HDAC9: variants seen among roughly 807,000 people sequenced by gnomAD.
The protein encoded by HDAC9 is MEF-2 interacting transcription repressor (MITR) protein.
HDAC9 carries 41 observed loss-of-function variants against 139.4 expected under a neutral mutation model. The ratio of observed to expected loss-of-function variants is 0.29; its 90% CI spans 0.23 to 0.38. HDAC9 has a LOEUF of 0.38. HDAC9 is among the 10% of genes least tolerant of loss of function. HDAC9 has a pLI of 1.00. For missense variants in HDAC9, 1,147 were observed against 1,297.0 expected, an observed-to-expected ratio of 0.88 and a Z score of 1.78; for synonymous variants, 517 against 476.2, an observed-to-expected ratio of 1.09 and a Z score of -1.12.
intron 1 of HDAC9, among the ~76,000 whole-genome samples, chr7:18,425,557 A>G (rs1258260490): frequency 6.6e-6 from 1 of 152,210 alleles, no homozygotes; most frequent in Admixed American, 6.5e-5. Context: ...AGTCTTTGGC[A>G]TATTTTAACA....
At chr7:18,427,740 ACACTT>A (rs1408747508) in intron 1 of HDAC9, among the ~76,000 whole-genome samples, 1 of 151,378 alleles carries the variant, frequency 6.6e-6, no homozygotes. Context: ...TGTGGCAAGA[ACACTT>A]AAGAGGGTGA....
At chr7:18,536,421 AC>A (rs1377717861) in intron 2 of HDAC9, among the ~76,000 whole-genome samples, 1 of 152,234 alleles carries the variant, frequency 6.6e-6, no homozygotes, top group African/African-American at 2.4e-5. Context: ...ATAAGAAAGA[AC>A]TATTTAGATT....
intron 21 of HDAC9, among the ~76,000 whole-genome samples, chr7:18,871,130 A>T (rs977265747): frequency 2.6e-5 from 4 of 152,162 alleles, no homozygotes; most frequent in African/African-American, 9.7e-5. Flanking sequence ...TGTATTCACT[A>T]TGGACTTGGT....
At chr7:18,839,512 T>C (rs1796450256) in intron 21 of HDAC9, among the ~76,000 whole-genome samples, 1 of 152,024 alleles carries the variant, frequency 6.6e-6, no homozygotes, top group African/African-American at 2.4e-5. Context: ...TATTCAATAA[T>C]ATTTGGTTGA....
chr7:18,734,690 T>C (rs1391500198), intron 13 of HDAC9, among the ~76,000 whole-genome samples: 1 of 152,248 alleles, frequency 6.6e-6, no homozygotes, highest in African/African-American at 2.4e-5. Flanking sequence ...AGTGCTACAA[T>C]AAACATACAT....
rs192694911 is a variant in HDAC9 at position 18,979,827 on chromosome 7, A to G, written c.3170+3874A>G. On this transcript the variant is annotated intron_variant, in intron 25 of 25. Coordinates refer to ENST00000686413, the MANE Select transcript of HDAC9 (RefSeq NM_178425.4). ...CCAGATCCCATGTGAGCTCAGAGCA[A>G]GAGCTTACTTATCACCATGGAGATG... is the stretch of plus-strand genomic sequence containing the variant. 2.0e-5 allele frequency among the ~76,000 whole-genome samples: 3 copies of G among 152,266 alleles called. No homozygotes were observed. In the East Asian group the frequency reaches 5.8e-4, roughly 29 times the overall value.
chr7:18,496,070 C>A, intron 1 of HDAC9, 47 bp downstream of exon 1: 1 of 1,421,340 alleles, frequency 7.0e-7, no homozygotes, highest in Non-Finnish European at 9.2e-7. Flanking sequence ...AAGTGGATGC[C>A]CATTTGAGCA....
chr7:18,611,386 G>C (rs1015903986), intron 6 of HDAC9, among the ~76,000 whole-genome samples: 9 of 152,020 alleles, frequency 5.9e-5, no homozygotes, highest in Non-Finnish European at 1.2e-4. Context: ...TTATATAGTA[G>C]AATAGATAAC....
chr7:18,805,349 T>C lies in HDAC9; in HGVS notation c.2322+11897T>C, dbSNP rs192558800. ...CGTTCACTAGAAGGCCTGATAAATG[T>C]GTCAGGAGTTTGAGAGCTTATGTAA... On this transcript the variant is annotated intron_variant, in intron 17 of 25. Coordinates refer to ENST00000686413, the MANE Select transcript of HDAC9 (RefSeq NM_178425.4). Among the ~76,000 whole-genome samples the C allele has an allele frequency of 2.0e-3, 298 of 152,236 alleles. 1 individual carries two copies. The highest frequency in any genetic ancestry group is 6.5e-3 in the African/African-American group (270 of 41,556).
intron 2 of HDAC9, among the ~76,000 whole-genome samples, chr7:18,523,740 G>T (rs540642737): frequency 3.4e-4 from 52 of 152,254 alleles, no homozygotes; most frequent in African/African-American, 1.2e-3. Context: ...TGGTTCATGA[G>T]TTGGGAGAGA....
chr7:18,383,832 T>C (rs955350048), intron 1 of HDAC9, among the ~76,000 whole-genome samples: 1 of 149,224 alleles, frequency 6.7e-6, no homozygotes, highest in African/African-American at 2.5e-5. Flanking sequence ...GAGCTTGCAG[T>C]GAGCCGAGAT....
At chr7:18,676,423 T>G (rs540957531) in intron 12 of HDAC9, among the ~76,000 whole-genome samples, 1 of 152,072 alleles carries the variant, frequency 6.6e-6, no homozygotes, top group Non-Finnish European at 1.5e-5. Context: ...TTTCTTGATC[T>G]TAAGTAATTT....
intron 24 of HDAC9, among the ~76,000 whole-genome samples, chr7:18,958,571 A>G (rs897000330): frequency 6.6e-6 from 1 of 152,178 alleles, no homozygotes; most frequent in Non-Finnish European, 1.5e-5. Flanking sequence ...GCAACTTAGC[A>G]CAATCTTTTG....
chr7:18,914,127 C>T (rs979172000), intron 22 of HDAC9, among the ~76,000 whole-genome samples: 1 of 151,788 alleles, frequency 6.6e-6, no homozygotes, highest in African/African-American at 2.4e-5. Flanking sequence ...TCTTGCCTCT[C>T]ACACCATGTG....
At chr7:18,902,336 A>AGG (rs1227576223) in intron 22 of HDAC9, among the ~76,000 whole-genome samples, 6 of 152,190 alleles carry the variant, frequency 3.9e-5, no homozygotes, top group Non-Finnish European at 7.3e-5. Context: ...ATGTGTCCTT[A>AGG]GGAGAGTCAT....
intron 1 of HDAC9, among the ~76,000 whole-genome samples, chr7:18,466,098 A>C (rs1051000746): frequency 3.3e-5 from 5 of 152,196 alleles, no homozygotes; most frequent in Non-Finnish European, 7.3e-5. Context: ...GGCAGCATTC[A>C]ATTCTTTGTC....
chr7:18,614,295 C>T (rs943132389), intron 6 of HDAC9, among the ~76,000 whole-genome samples: 8 of 152,086 alleles, frequency 5.3e-5, no homozygotes, highest in African/African-American at 1.7e-4. Flanking sequence ...CCCTCCAATC[C>T]GCCACACCGC....
At chr7:18,882,993 T>G (rs1799843157) in intron 22 of HDAC9, among the ~76,000 whole-genome samples, 1 of 152,168 alleles carries the variant, frequency 6.6e-6, no homozygotes, top group African/African-American at 2.4e-5. Context: ...ATTTCACATT[T>G]CTATATCTGT....
intron 1 of HDAC9, among the ~76,000 whole-genome samples, chr7:18,448,035 T>G (rs1792456087): frequency 1.3e-5 from 2 of 152,196 alleles, no homozygotes; most frequent in South Asian, 4.1e-4. Context: ...GAGAGGAGGT[T>G]TCACCAAGTG....
Sources: allele counts gnomAD v4.1 joint callset (sites outside exome capture counted in the v4.1 genomes callset), GRCh38; gene constraint gnomAD v4.1.1; transcripts MANE v1.5; gene names NCBI Gene and HGNC (gene_info 2026-07-23, HGNC 2026-07-21).